ATG10: variants seen among roughly 807,000 people sequenced by gnomAD.
ATG10 encodes ubiquitin-like-conjugating enzyme ATG10.
In ATG10, 30 loss-of-function variants were observed where a neutral mutation model predicts 32.1. That is an observed-to-expected ratio of 0.94 (90% CI 0.70 to 1.27). ATG10 has a LOEUF of 1.27. Among genes scored for constraint, ATG10 ranks in the 50% most tolerant of loss-of-function variants. ATG10 has a pLI of 0.00. For synonymous variants in ATG10, 87 were observed against 91.5 expected (o/e 0.95, Z 0.28); for missense variants, 233 against 262.3 (o/e 0.89, Z 0.77).
intron 3 of ATG10, among the ~76,000 whole-genome samples, chr5:82,137,541 G>A (rs943877011): frequency 2.0e-5 from 3 of 152,154 alleles, no homozygotes; most frequent in Non-Finnish European, 2.9e-5. Flanking sequence ...TATCACCAGC[G>A]GAGGCTGCAG....
chr5:82,083,322 A>C (rs1348781327), intron 3 of ATG10, among the ~76,000 whole-genome samples: 1 of 152,022 alleles, frequency 6.6e-6, no homozygotes, highest in Non-Finnish European at 1.5e-5. Flanking sequence ...TAGGTAAACA[A>C]AGTGGCCGGG....
chr5:82,209,408 T>A (rs1246018159), intron 5 of ATG10, among the ~76,000 whole-genome samples: 1 of 152,028 alleles, frequency 6.6e-6, no homozygotes, highest in Non-Finnish European at 1.5e-5. Context: ...GCCTTCAAGG[T>A]GGGATTAGTG....
chr5:82,214,078 A>G (rs1175544810), intron 5 of ATG10, among the ~76,000 whole-genome samples: 1 of 152,204 alleles, frequency 6.6e-6, no homozygotes, highest in Non-Finnish European at 1.5e-5. Flanking sequence ...TCATTGGCCT[A>G]ACTGTGCTGC....
chr5:82,213,981 A>T (rs1048199298), intron 5 of ATG10, among the ~76,000 whole-genome samples: 1 of 152,202 alleles, frequency 6.6e-6, no homozygotes, highest in African/African-American at 2.4e-5. Flanking sequence ...CTTCTGAGCA[A>T]ATGTGATCCT....
chr5:82,233,623 C>T (rs963413477), intron 5 of ATG10, among the ~76,000 whole-genome samples: 4 of 152,164 alleles, frequency 2.6e-5, no homozygotes, highest in African/African-American at 9.7e-5. Context: ...GTTAAATGAA[C>T]CAGTGCCATG....
intron 3 of ATG10, among the ~76,000 whole-genome samples, chr5:82,139,305 TGTCTGG>T (rs1245202090): frequency 2.1e-5 from 3 of 144,154 alleles, no homozygotes; most frequent in Non-Finnish European, 3.0e-5. Flanking sequence ...GGCCGCCCAT[TGTCTGG>T]GATGTGAGGA....
intron 3 of ATG10, chr5:82,147,837 C>T (rs970025031): frequency 1.3e-5 from 2 of 152,480 alleles, no homozygotes; most frequent in African/African-American, 4.8e-5. Flanking sequence ...TGCCCTCCCC[C>T]AGTCCTTGTG....
chr5:82,060,172 T>G (rs192115891), intron 3 of ATG10, among the ~76,000 whole-genome samples: 3 of 152,096 alleles, frequency 2.0e-5, no homozygotes, highest in African/African-American at 7.2e-5. Flanking sequence ...AAAATATAAT[T>G]TTTTTCAACA....
At chr5:82,181,386 A>G (rs1744226658) in intron 5 of ATG10, among the ~76,000 whole-genome samples, 1 of 152,150 alleles carries the variant, frequency 6.6e-6, no homozygotes, top group Non-Finnish European at 1.5e-5. Context: ...GGCATTTGAA[A>G]ATCATCATGA....
chr5:81,979,689 CTTTTT>C (rs35202555), intron 1 of ATG10, among the ~76,000 whole-genome samples: 2 of 123,816 alleles, frequency 1.6e-5, no homozygotes, highest in Non-Finnish European at 1.7e-5. Context: ...GTAGGTAAAC[CTTTTT>C]TTTTTTTTTT....
At chr5:81,975,169 T>A (rs1215349606) in intron 1 of ATG10, among the ~76,000 whole-genome samples, 1 of 152,230 alleles carries the variant, frequency 6.6e-6, no homozygotes, top group Non-Finnish European at 1.5e-5. Context: ...TAGTAATATA[T>A]GCAATTTTAA....
At chr5:82,050,833 C>T (rs1265119864) in intron 2 of ATG10, among the ~76,000 whole-genome samples, 3 of 102,244 alleles carry the variant, frequency 2.9e-5, no homozygotes, top group Middle Eastern at 9.1e-3. Flanking sequence ...AAGACCCCAT[C>T]TCTACCAAAA....
chr5:82,114,977 A>G (rs908274459), intron 3 of ATG10, among the ~76,000 whole-genome samples: 5 of 152,088 alleles, frequency 3.3e-5, no homozygotes, highest in African/African-American at 1.2e-4. Context: ...GAGAAACTGA[A>G]TATTTAATGT....
rs111249277 is a variant in ATG10 at position 81,972,475 on chromosome 5, C to A, written c.-13+169C>A. 9,565 of 152,338 alleles carry A rather than the reference C, an allele frequency of 0.063. 386 individuals are homozygous for A. Among genetic ancestry groups the A allele is most frequent in the Non-Finnish European group, 0.09 (6,158 of 68,066 alleles). The allele number at this position is 152,338 out of a possible 1,614,324, so 9.4% of individuals were successfully genotyped here. ...CGGGTCCCCGCCGGTAACTGCAGGC[C>A]TGTGCTGGCCGCCGCGAGCGGGGAA... On this transcript the variant is annotated intron_variant, in intron 1 of 7. Coordinates refer to ENST00000282185, the MANE Select transcript of ATG10 (RefSeq NM_031482.5).
chr5:81,985,977 T>A (rs917918214), intron 1 of ATG10, among the ~76,000 whole-genome samples: 3 of 152,034 alleles, frequency 2.0e-5, no homozygotes, highest in Admixed American at 6.6e-5. Context: ...GTTAGCCAGG[T>A]TGGTCTCCAT....
chr5:82,158,013 G>T (rs1205708677), intron 3 of ATG10, among the ~76,000 whole-genome samples: 1 of 152,166 alleles, frequency 6.6e-6, no homozygotes, highest in African/African-American at 2.4e-5. Flanking sequence ...ATAGAGATAT[G>T]GATCTCATTT....
At chr5:82,006,744 C>A (rs1465219390) in intron 2 of ATG10, among the ~76,000 whole-genome samples, 1 of 152,130 alleles carries the variant, frequency 6.6e-6, no homozygotes, top group Admixed American at 6.5e-5. Context: ...TGTTGTGCAA[C>A]CAAACTCCAG....
At chr5:82,106,535 C>G (rs1197474204) in intron 3 of ATG10, among the ~76,000 whole-genome samples, 1 of 151,978 alleles carries the variant, frequency 6.6e-6, no homozygotes, top group African/African-American at 2.4e-5. Flanking sequence ...TTTCATTTAC[C>G]AGGGTGAGAT....
intron 5 of ATG10, among the ~76,000 whole-genome samples, chr5:82,232,329 G>A (rs1308661993): frequency 6.6e-6 from 1 of 152,190 alleles, no homozygotes. Flanking sequence ...CGTACCACCT[G>A]AAAGTTGTTT....
Sources: gnomAD v4.1 joint callset for allele counts (sites outside exome capture counted in the v4.1 genomes callset) on GRCh38, gnomAD v4.1.1 for gene constraint, MANE v1.5 for transcripts, NCBI Gene and HGNC (gene_info 2026-07-23, HGNC 2026-07-21) for gene names.